Variants in OR4K1 observed in about 807,000 individuals in gnomAD.
The protein encoded by OR4K1 is olfactory receptor family 4 subfamily K member 1, also known as olfactory receptor 4K1.
In OR4K1, 16 loss-of-function variants were observed where a neutral mutation model predicts 14.4. That is an observed-to-expected ratio of 1.11 (90% CI 0.75 to 1.68). The LOEUF (loss-of-function observed/expected upper bound fraction) is 1.68. Ranked by LOEUF, OR4K1 falls within the 40% of genes most tolerant of loss-of-function variation. OR4K1 has a pLI of 0.00. For missense variants in OR4K1, 548 were observed against 376.9 expected, an observed-to-expected ratio of 1.45 and a Z score of -3.76; for synonymous variants, 181 against 133.1, an observed-to-expected ratio of 1.36 and a Z score of -2.48.
chr14:19,924,269 A>G, the OR4K1 span, among the ~76,000 whole-genome samples: 9,324 of 151,030 alleles, frequency 0.062, 518 homozygotes, highest in East Asian at 0.47. Flanking sequence ...GCATGGTGGC[A>G]CATGCCTATA....
chr14:19,933,093 A>G (rs947432899), intron 1 of OR4K1, among the ~76,000 whole-genome samples: 4 of 151,716 alleles, frequency 2.6e-5, no homozygotes, highest in African/African-American at 9.7e-5. Flanking sequence ...GGCAAATCTT[A>G]TCACAAATGA....
In OR4K1 at chr14:19,936,155, A is replaced by G; in HGVS notation, c.489A>G (p.Thr163=). The G allele has an allele frequency of 6.2e-7, 1 of 1,614,252 alleles. No homozygotes were observed. Among genetic ancestry groups the G allele is most frequent in the East Asian group, 2.2e-5 (1 of 44,890 alleles). Residue 163 remains threonine (T), a synonymous_variant, in exon 2 of 2, where the codon ACA becomes ACG. Transcript: ENST00000641172. ...ATTCTGTGAGCCACTTGGCTTTTAC[A>G]GTGGACCTGCCATTCTGTGGTCCCA... ...VLHSVSHLAF[T]VDLPFCGPNE... is the part of the protein sequence containing the mutation.
the OR4K1 span, chr14:19,920,883 T>C: frequency 1.2e-6 from 2 of 1,614,224 alleles, no homozygotes; most frequent in East Asian, 2.2e-5. Context: ...CGAGACCATA[T>C]CTTTCAGTGG....
At chr14:19,935,604 G>A (rs1394058806) in intron 1 of OR4K1, 44 bp from the exon 2 acceptor site, 2 of 1,341,790 alleles carry the variant, frequency 1.5e-6, no homozygotes, top group African/African-American at 1.5e-5. Context: ...TAGAGGTATT[G>A]TAATGCCAAT....
chr14:19,931,518 T>C (rs1882183829), intron 1 of OR4K1, among the ~76,000 whole-genome samples: 2 of 152,370 alleles, frequency 1.3e-5, no homozygotes, highest in Non-Finnish European at 2.9e-5. Context: ...TGAAGAAAAG[T>C]GTAGCTATAC....
intron 1 of OR4K1, among the ~76,000 whole-genome samples, chr14:19,934,298 T>A (rs981265488): frequency 1.3e-5 from 2 of 152,262 alleles, no homozygotes; most frequent in Non-Finnish European, 2.9e-5. Context: ...AAAAAACATT[T>A]AAGAGCAAAT....
At chr14:19,934,252 T>C (rs1315951505) in intron 1 of OR4K1, among the ~76,000 whole-genome samples, 1 of 152,256 alleles carries the variant, frequency 6.6e-6, no homozygotes, top group Non-Finnish European at 1.5e-5. Context: ...GGGTTTTCTC[T>C]GTGACCAAGT....
At chr14:19,925,038 G>GT in the OR4K1 span, among the ~76,000 whole-genome samples, 1 of 152,162 alleles carries the variant, frequency 6.6e-6, no homozygotes, top group South Asian at 2.1e-4. Flanking sequence ...ACATTTCAAA[G>GT]TAATAGGATA....
chr14:19,921,423 A>G, the OR4K1 span: 57 of 1,614,036 alleles, frequency 3.5e-5, no homozygotes, highest in African/African-American at 5.3e-5. Context: ...ATTTCTTGCC[A>G]TATTTTACAC....
the OR4K1 span, among the ~76,000 whole-genome samples, chr14:19,923,244 C>G: frequency 4.6e-5 from 7 of 152,190 alleles, no homozygotes; most frequent in African/African-American, 1.7e-4. Flanking sequence ...TGTTACTAGA[C>G]TCTATTCTGT....
upstream of OR4K1, among the ~76,000 whole-genome samples, chr14:19,930,534 C>T (rs1882162654): frequency 1.3e-5 from 2 of 152,188 alleles, no homozygotes; most frequent in South Asian, 2.1e-4. Flanking sequence ...ACTGAACTGT[C>T]TTATGAAGCA....
At chr14:19,933,712 C>A (rs1056775840) in intron 1 of OR4K1, among the ~76,000 whole-genome samples, 2 of 152,214 alleles carry the variant, frequency 1.3e-5, no homozygotes, top group Non-Finnish European at 2.9e-5. Flanking sequence ...CCTGCCTCAG[C>A]CTCCCGAGTA....
intron 1 of OR4K1, among the ~76,000 whole-genome samples, chr14:19,934,185 G>A (rs1882251484): frequency 6.6e-6 from 1 of 152,186 alleles, no homozygotes; most frequent in South Asian, 2.1e-4. Flanking sequence ...GTGTACTGTT[G>A]GATACACAGA....
At chr14:19,921,466 A>T in the OR4K1 span, 1 of 1,614,058 alleles carries the variant, frequency 6.2e-7, no homozygotes, top group South Asian at 1.1e-5. Flanking sequence ...CCCATTATTT[A>T]TACACTAAGG....
At chr14:19,927,459 G>A (rs1360407955), upstream of OR4K1, among the ~76,000 whole-genome samples, 2 of 152,238 alleles carry the variant, frequency 1.3e-5, no homozygotes, top group South Asian at 2.1e-4. Context: ...GATCAAAATT[G>A]AAAATTGGAG....
chr14:19,935,175 T>G (rs1192882269), intron 1 of OR4K1, among the ~76,000 whole-genome samples: 1 of 152,240 alleles, frequency 6.6e-6, no homozygotes, highest in Non-Finnish European at 1.5e-5. Context: ...ATTTTTACCT[T>G]TGATTCTTTA....
chr14:19,936,553 C>A lies in OR4K1; in HGVS notation c.887C>A (p.Ala296Glu). Reference sequence around the variant, plus strand: ...TCTCTGAGGAATGAAGATGTTAAAGCAGCCATGTGGAAGCTGAGAAACCGT... The same window carrying A: ...TCTCTGAGGAATGAAGATGTTAAAGAAGCCATGTGGAAGCTGAGAAACCGT... The part of the protein sequence containing the change: ...IYSLRNEDVK[A>E]AMWKLRNRHV... The change falls in exon 2 of 2, where the codon GCA becomes GAA. Residue 296 changes from alanine (A) to glutamate (E), a missense_variant. Transcript: ENST00000641172. The A allele has an allele frequency of 6.2e-7, 1 of 1,610,792 alleles. No individual in the cohort carries two copies. The highest frequency in any genetic ancestry group is 1.1e-5 in the South Asian group (1 of 90,478).
the OR4K1 span, chr14:19,921,148 TTCC>T: frequency 6.2e-7 from 1 of 1,614,198 alleles, no homozygotes; most frequent in Non-Finnish European, 8.5e-7. Context: ...TTTTGTGATC[TTCC>T]TCGAGTCACC....
intron 1 of OR4K1, among the ~76,000 whole-genome samples, chr14:19,933,425 T>C (rs78122564): frequency 0.031 from 4,648 of 151,076 alleles, 9 homozygotes; most frequent in Middle Eastern, 0.073. Flanking sequence ...TCTTTCTTTT[T>C]CAATGTTTCT....
Sources: allele counts gnomAD v4.1 joint callset (sites outside exome capture counted in the v4.1 genomes callset), GRCh38; gene constraint gnomAD v4.1.1; transcripts MANE v1.5; gene names NCBI Gene and HGNC (gene_info 2026-07-23, HGNC 2026-07-21).